The following EFCAB11 variants were observed in gnomAD, a reference collection of about 807,000 sequenced individuals.
EFCAB11 encodes the protein EF-hand calcium binding domain 11, also known as EF-hand calcium-binding domain-containing protein 11.
A neutral mutation model predicts 23.0 loss-of-function variants in EFCAB11; 14 were observed. The observed-to-expected ratio is 0.61, with a 90% CI of 0.40 to 0.95. The LOEUF is 0.95. Among genes scored for constraint, EFCAB11 ranks in the 40% least tolerant of loss-of-function variants. The pLI, the probability that EFCAB11 is intolerant of heterozygous loss-of-function variation, is 0.00. For synonymous variants in EFCAB11, 65 were observed against 66.6 expected (o/e 0.98, Z 0.11); for missense variants, 198 against 195.8 (o/e 1.01, Z -0.07).
intron 5 of EFCAB11, among the ~76,000 whole-genome samples, chr14:89,909,506 G>A (rs369116873): frequency 0.089 from 8,597 of 96,878 alleles, 417 homozygotes; most frequent in African/African-American, 0.34. Flanking sequence ...CTTGAAGCCG[G>A]GGGGGCGGAC....
chr14:89,802,590 G>A (rs537436941), intron 5 of EFCAB11, among the ~76,000 whole-genome samples: 5 of 152,154 alleles, frequency 3.3e-5, no homozygotes, highest in Admixed American at 6.5e-5. Flanking sequence ...ATGGGGTTTC[G>A]CCATGCTGAC....
chr14:89,899,038 A>G (rs1951785039), intron 5 of EFCAB11, among the ~76,000 whole-genome samples: 1 of 152,180 alleles, frequency 6.6e-6, no homozygotes, highest in South Asian at 2.1e-4. Context: ...GGATGATGAC[A>G]ATGTCCACAA....
intron 5 of EFCAB11, among the ~76,000 whole-genome samples, chr14:89,861,733 A>T (rs904192130): frequency 6.6e-6 from 1 of 152,130 alleles, no homozygotes; most frequent in South Asian, 2.1e-4. Context: ...TGGCTTTATA[A>T]AAAGAGGAAG....
At chr14:89,925,338 G>A (rs1890156002) in intron 5 of EFCAB11, among the ~76,000 whole-genome samples, 1 of 152,206 alleles carries the variant, frequency 6.6e-6, no homozygotes, top group South Asian at 2.1e-4. Flanking sequence ...ATACCCCTTA[G>A]AGTCACTGAA....
At chr14:89,925,673 T>A (rs1890169505) in intron 5 of EFCAB11, among the ~76,000 whole-genome samples, 1 of 136,556 alleles carries the variant, frequency 7.3e-6, no homozygotes, top group East Asian at 2.2e-4. Flanking sequence ...TGAGATGGAG[T>A]CTTGCTCTGT....
intron 5 of EFCAB11, 89 bp from the exon 6 acceptor site, chr14:89,797,413 G>A: frequency 1.7e-6 from 2 of 1,208,042 alleles, no homozygotes; most frequent in South Asian, 1.3e-5. Context: ...TTATTTGCAT[G>A]TCTGTGTGAG....
At chr14:89,864,517 T>C (rs1888027028) in intron 5 of EFCAB11, among the ~76,000 whole-genome samples, 1 of 152,174 alleles carries the variant, frequency 6.6e-6, no homozygotes, top group Non-Finnish European at 1.5e-5. Context: ...CTTGACCTCC[T>C]GGGCTCAACT....
At chr14:89,919,611 G>C (rs1214580766) in intron 5 of EFCAB11, among the ~76,000 whole-genome samples, 1 of 152,176 alleles carries the variant, frequency 6.6e-6, no homozygotes, top group African/African-American at 2.4e-5. Context: ...CTCCATGAGT[G>C]GGAGGCAGGT....
intron 3 of EFCAB11, among the ~76,000 whole-genome samples, chr14:89,934,053 C>T (rs1157650086): frequency 6.6e-6 from 1 of 152,118 alleles, no homozygotes; most frequent in Non-Finnish European, 1.5e-5. Flanking sequence ...AGAAGTGATA[C>T]AAGATGAGGT....
intron 2 of EFCAB11, among the ~76,000 whole-genome samples, chr14:89,951,788 G>A (rs1891177723): frequency 6.6e-6 from 1 of 151,756 alleles, no homozygotes; most frequent in Non-Finnish European, 1.5e-5. Context: ...AACCGGGTAT[G>A]GTCGTGTGCA....
At chr14:89,904,194 T>C (rs1889423673) in intron 5 of EFCAB11, among the ~76,000 whole-genome samples, 1 of 152,138 alleles carries the variant, frequency 6.6e-6, no homozygotes, top group South Asian at 2.1e-4. Flanking sequence ...GTTCTCATTG[T>C]TCAACTCCCA....
chr14:89,897,692 G>A (rs1007443923), intron 5 of EFCAB11, among the ~76,000 whole-genome samples: 1 of 152,106 alleles, frequency 6.6e-6, no homozygotes, highest in Non-Finnish European at 1.5e-5. Context: ...TAAAGCAGTC[G>A]CACATGGAAA....
rs756941842 is a variant in EFCAB11, at chr14:89,865,810, G to A, written c.410+65731C>T. 1.0e-4 allele frequency among the ~76,000 whole-genome samples: 15 copies of A among 143,124 alleles called. No homozygotes were observed. In the South Asian group the frequency reaches 1.2e-3, roughly 11 times the overall value. The allele number at this position is 143,124 out of a possible 152,430, so 93.9% of individuals were successfully genotyped here. ...CTCCCAAGTTGGTGGGATTACAGGC[G>A]CCCACCACCATGCTCGGCTAATTTT... is the stretch of plus-strand genomic sequence containing the variant. On this transcript the variant is annotated intron_variant, in intron 5 of 5. Transcript: ENST00000316738.
intron 3 of EFCAB11, among the ~76,000 whole-genome samples, chr14:89,944,210 A>T (rs1459851231): frequency 6.6e-6 from 1 of 152,246 alleles, no homozygotes; most frequent in Non-Finnish European, 1.5e-5. Flanking sequence ...GAAGGCAAAG[A>T]GGAGCAAGTC....
intron 5 of EFCAB11, among the ~76,000 whole-genome samples, chr14:89,817,087 T>C (rs1162638731): frequency 6.6e-6 from 1 of 152,082 alleles, no homozygotes; most frequent in Non-Finnish European, 1.5e-5. Context: ...TCAAGGTAAT[T>C]TGTAGATTTA....
intron 5 of EFCAB11, among the ~76,000 whole-genome samples, chr14:89,861,791 C>A (rs1161009246): frequency 1.3e-5 from 2 of 152,038 alleles, no homozygotes; most frequent in Admixed American, 6.5e-5. Context: ...CCATGTGATG[C>A]CTTCTGCCAT....
intron 3 of EFCAB11, among the ~76,000 whole-genome samples, chr14:89,935,873 C>G (rs146911740): frequency 6.6e-6 from 1 of 151,942 alleles, no homozygotes. Context: ...CCAGGTGTGG[C>G]GGCATGCACC....
At chr14:89,853,251 C>T (rs370036957) in intron 5 of EFCAB11, among the ~76,000 whole-genome samples, 1 of 152,146 alleles carries the variant, frequency 6.6e-6, no homozygotes, top group African/African-American at 2.4e-5. Context: ...AGAGAGAAGC[C>T]AGTTACAGTT....
chr14:89,830,508 G>A (rs1052398348), intron 5 of EFCAB11: 2 of 151,762 alleles, frequency 1.3e-5, no homozygotes, highest in Non-Finnish European at 2.9e-5. Context: ...ACAAAGTATC[G>A]GTTTGCAACA....
Sources: allele counts gnomAD v4.1 joint callset (sites outside exome capture counted in the v4.1 genomes callset), GRCh38; gene constraint gnomAD v4.1.1; transcripts MANE v1.5; gene names NCBI Gene and HGNC (gene_info 2026-07-23, HGNC 2026-07-21).